PCDH15: variants seen among roughly 807,000 people sequenced by gnomAD.
PCDH15 encodes protocadherin related 15.
In PCDH15, 129 loss-of-function variants were observed where a neutral mutation model predicts 178.5. The ratio of observed to expected loss-of-function variants is 0.72; its 90% CI spans 0.63 to 0.84. PCDH15 has a LOEUF of 0.84. Ranked by LOEUF, PCDH15 falls within the 40% of genes least tolerant of loss-of-function variation. The pLI, the probability that PCDH15 is intolerant of heterozygous loss-of-function variation, is 0.00. For missense variants in PCDH15, 2,230 were observed against 2,099.9 expected, an observed-to-expected ratio of 1.06 and a Z score of -1.21; for synonymous variants, 800 against 732.0, an observed-to-expected ratio of 1.09 and a Z score of -1.50.
chr10:53,822,877 T>C lies in PCDH15; in HGVS notation c.4368-2647A>G, dbSNP rs2132503289. On this transcript the variant is annotated intron_variant, in intron 32 of 37. Coordinates refer to ENST00000644397, the MANE Select transcript of PCDH15 (RefSeq NM_001384140.1). ...AATGGATTGCTGCTACCTCTTTTGT[T>C]TGTACAGATTCCAGTGTTTTCATTT... 6.2e-7 allele frequency: 1 copy of C among 1,614,144 alleles called. No individual in the cohort carries two copies. The highest frequency in any genetic ancestry group is 1.7e-5 in the Admixed American group (1 of 60,016).
chr10:55,405,415 T>A (rs1838176343), intron 2 of PCDH15, among the ~76,000 whole-genome samples: 1 of 151,068 alleles, frequency 6.6e-6, no homozygotes, highest in Non-Finnish European at 1.5e-5. Context: ...TCTTTTAACA[T>A]CACTCATATG....
intron 2 of PCDH15, among the ~76,000 whole-genome samples, chr10:55,033,612 C>T (rs1257555000): frequency 2.6e-5 from 4 of 152,092 alleles, no homozygotes; most frequent in African/African-American, 9.7e-5. Flanking sequence ...AGCTGGAGAA[C>T]AATTTACCCC....
At chr10:55,476,348 G>A (rs1840061632) in intron 2 of PCDH15, among the ~76,000 whole-genome samples, 1 of 151,970 alleles carries the variant, frequency 6.6e-6, no homozygotes, top group African/African-American at 2.4e-5. Flanking sequence ...AGACAAAGCA[G>A]CAGTCAAATG....
chr10:54,049,847 C>T (rs1281197390), intron 18 of PCDH15, among the ~76,000 whole-genome samples: 1 of 152,154 alleles, frequency 6.6e-6, no homozygotes. Flanking sequence ...TCTCAAACTC[C>T]TGACCTTGTG....
chr10:54,728,695 C>A (rs951619866), intron 1 of PCDH15, among the ~76,000 whole-genome samples: 2 of 151,304 alleles, frequency 1.3e-5, no homozygotes, highest in Admixed American at 1.3e-4. Context: ...TAGTCCCTGC[C>A]CAAACACTCC....
intron 8 of PCDH15, among the ~76,000 whole-genome samples, chr10:54,307,314 A>G (rs2060622365): frequency 6.7e-6 from 1 of 150,118 alleles, no homozygotes; most frequent in Admixed American, 6.7e-5. Flanking sequence ...CAATTATTTT[A>G]TAATTAAAGT....
At chr10:55,360,478 T>C (rs1332086348) in intron 2 of PCDH15, among the ~76,000 whole-genome samples, 2 of 151,714 alleles carry the variant, frequency 1.3e-5, no homozygotes, top group African/African-American at 2.4e-5. Flanking sequence ...AGGAAAAAAA[T>C]TGTATATCTA....
intron 1 of PCDH15, among the ~76,000 whole-genome samples, chr10:55,302,002 G>A (rs183328933): frequency 3.4e-4 from 52 of 152,218 alleles, no homozygotes; most frequent in African/African-American, 1.2e-3. Context: ...AAAATTAGAC[G>A]AAGTTAGTAG....
intron 8 of PCDH15, among the ~76,000 whole-genome samples, chr10:54,263,511 C>A (rs2057470330): frequency 6.6e-6 from 1 of 152,124 alleles, no homozygotes; most frequent in Non-Finnish European, 1.5e-5. Context: ...CACCAAGACC[C>A]CACCTGCCAG....
intron 1 of PCDH15, among the ~76,000 whole-genome samples, chr10:55,312,079 G>A (rs553835787): frequency 1.3e-5 from 2 of 152,242 alleles, no homozygotes; most frequent in South Asian, 4.1e-4. Context: ...GAGTCACTGT[G>A]ATGGTAAACT....
At chr10:55,348,726 C>A (rs917127979) in intron 2 of PCDH15, among the ~76,000 whole-genome samples, 4 of 152,042 alleles carry the variant, frequency 2.6e-5, no homozygotes, top group Non-Finnish European at 5.9e-5. Flanking sequence ...GGGAATAGTG[C>A]AAATGTGCTG....
intron 2 of PCDH15, among the ~76,000 whole-genome samples, chr10:55,522,706 C>A (rs1841209966): frequency 6.6e-6 from 1 of 151,672 alleles, no homozygotes; most frequent in Non-Finnish European, 1.5e-5. Flanking sequence ...CTATGTGTGT[C>A]CTTAAACCAA....
chr10:53,874,857 A>G (rs2080112481), intron 26 of PCDH15, among the ~76,000 whole-genome samples: 1 of 152,114 alleles, frequency 6.6e-6, no homozygotes, highest in African/African-American at 2.4e-5. Context: ...ATGCGGAATA[A>G]AAAATGAGAC....
At chr10:54,344,915 A>C (rs376489416) in intron 6 of PCDH15, among the ~76,000 whole-genome samples, 14,361 of 126,610 alleles carry the variant, frequency 0.11, 915 homozygotes, top group Middle Eastern at 0.18. Context: ...AAAAAAAAAA[A>C]AAAAAAAAAA....
At chr10:55,097,792 A>C (rs941481148) in intron 2 of PCDH15, among the ~76,000 whole-genome samples, 1 of 152,126 alleles carries the variant, frequency 6.6e-6, no homozygotes, top group African/African-American at 2.4e-5. Context: ...AATTATCCTA[A>C]GTAGAAAATA....
At chr10:55,330,465 C>A (rs1844170646) in intron 2 of PCDH15, among the ~76,000 whole-genome samples, 1 of 151,804 alleles carries the variant, frequency 6.6e-6, no homozygotes, top group Admixed American at 6.6e-5. Context: ...ATTATTTCTT[C>A]CTTTTCCTAA....
intron 3 of PCDH15, among the ~76,000 whole-genome samples, chr10:54,856,654 T>G (rs929738927): frequency 8.5e-5 from 13 of 152,182 alleles, no homozygotes; most frequent in Admixed American, 6.6e-5. Flanking sequence ...GGCTTGTTAA[T>G]TAATTTTATC....
intron 3 of PCDH15, among the ~76,000 whole-genome samples, chr10:54,457,665 C>G (rs1282545347): frequency 6.6e-6 from 1 of 151,860 alleles, no homozygotes; most frequent in African/African-American, 2.4e-5. Context: ...AATTATATAA[C>G]CACATCTAAA....
intron 2 of PCDH15, among the ~76,000 whole-genome samples, chr10:55,471,784 G>A (rs1839960349): frequency 6.6e-6 from 1 of 152,160 alleles, no homozygotes; most frequent in Non-Finnish European, 1.5e-5. Context: ...CCATTTACTT[G>A]CAACTGTGAG....
Sources: allele counts gnomAD v4.1 joint callset (sites outside exome capture counted in the v4.1 genomes callset), GRCh38; gene constraint gnomAD v4.1.1; transcripts MANE v1.5; gene names NCBI Gene and HGNC (gene_info 2026-07-23, HGNC 2026-07-21).